The following FHIP1A variants were observed in gnomAD, a reference collection of about 807,000 sequenced individuals.
The protein encoded by FHIP1A is FHF complex subunit HOOK-interacting protein 1A.
FHIP1A carries 61 observed loss-of-function variants against 88.6 expected under a neutral mutation model. That is an observed-to-expected ratio of 0.69 (90% CI 0.56 to 0.85). The LOEUF is 0.85. Ranked by LOEUF, FHIP1A falls within the 40% of genes least tolerant of loss-of-function variation. The pLI, the probability that FHIP1A is intolerant of heterozygous loss-of-function variation, is 0.00. For missense variants in FHIP1A, 1,154 were observed against 1,273.5 expected, an observed-to-expected ratio of 0.91 and a Z score of 1.43; for synonymous variants, 478 against 496.0, an observed-to-expected ratio of 0.96 and a Z score of 0.48.
At chr4:151,588,779 T>C in intron 6 of FHIP1A, 61 bp from the exon 7 acceptor site, 1 of 1,074,676 alleles carries the variant, frequency 9.3e-7, no homozygotes, top group Non-Finnish European at 1.4e-6. Flanking sequence ...AGAATTGTTT[T>C]ATTTTAAGAA....
intron 3 of FHIP1A, among the ~76,000 whole-genome samples, chr4:151,487,991 C>G (rs898255929): frequency 3.0e-4 from 46 of 152,184 alleles, no homozygotes; most frequent in Admixed American, 3.0e-3. Context: ...TGCTAAATCT[C>G]TCTTAAAACT....
intron 7 of FHIP1A, among the ~76,000 whole-genome samples, chr4:151,616,954 G>A (rs754751746): frequency 1.4e-4 from 21 of 151,632 alleles, no homozygotes; most frequent in Non-Finnish European, 2.8e-4. Context: ...CACCATGTAG[G>A]CCAGGCTAGC....
intron 1 of FHIP1A, among the ~76,000 whole-genome samples, chr4:151,427,638 C>G (rs1272821896): frequency 6.6e-6 from 1 of 151,926 alleles, no homozygotes; most frequent in Non-Finnish European, 1.5e-5. Flanking sequence ...TTTGCCCTCT[C>G]AACCCCATTT....
chr4:151,600,455 T>C (rs1239328917), intron 7 of FHIP1A, among the ~76,000 whole-genome samples: 1 of 152,100 alleles, frequency 6.6e-6, no homozygotes, highest in Non-Finnish European at 1.5e-5. Context: ...AAGGAATAGA[T>C]GGCATTCAGA....
At chr4:151,527,576 G>GGAGAGC (rs1322865272) in intron 3 of FHIP1A, among the ~76,000 whole-genome samples, 6 of 152,012 alleles carry the variant, frequency 3.9e-5, no homozygotes, top group African/African-American at 1.2e-4. Flanking sequence ...AGAGGGAGAG[G>GGAGAGC]GAGAGGGCAC....
At chr4:151,537,127 C>T (rs970794509) in intron 3 of FHIP1A, among the ~76,000 whole-genome samples, 1 of 152,124 alleles carries the variant, frequency 6.6e-6, no homozygotes, top group Non-Finnish European at 1.5e-5. Context: ...ATCCTCCCTC[C>T]TCAGCCTCCC....
chr4:151,488,935 AG>A (rs1485135276), intron 3 of FHIP1A, among the ~76,000 whole-genome samples: 1 of 152,228 alleles, frequency 6.6e-6, no homozygotes, highest in Non-Finnish European at 1.5e-5. Context: ...AATGGCAGAT[AG>A]GAGACAGGAT....
At chr4:151,592,199 A>G (rs544903965) in intron 7 of FHIP1A, among the ~76,000 whole-genome samples, 2 of 151,838 alleles carry the variant, frequency 1.3e-5, no homozygotes, top group Non-Finnish European at 2.9e-5. Flanking sequence ...CAGTGGTGCG[A>G]TCTCAGCTCA....
intron 2 of FHIP1A, among the ~76,000 whole-genome samples, chr4:151,473,185 G>T (rs185147981): frequency 6.6e-6 from 1 of 152,178 alleles, no homozygotes; most frequent in Non-Finnish European, 1.5e-5. Flanking sequence ...GCTGGATAAT[G>T]TTCATAAAGA....
chr4:151,605,289 A>G (rs942530816), intron 7 of FHIP1A, among the ~76,000 whole-genome samples: 1 of 152,212 alleles, frequency 6.6e-6, no homozygotes, highest in Non-Finnish European at 1.5e-5. Flanking sequence ...GATTGTTACC[A>G]AATTATGGCA....
chr4:151,529,255 C>T (rs1731788377), intron 3 of FHIP1A, among the ~76,000 whole-genome samples: 2 of 152,090 alleles, frequency 1.3e-5, no homozygotes, highest in Non-Finnish European at 2.9e-5. Context: ...TCAGGAAGGG[C>T]AAGGGCTGAG....
chr4:151,489,785 C>T (rs1378765039), intron 3 of FHIP1A, among the ~76,000 whole-genome samples: 5 of 152,068 alleles, frequency 3.3e-5, no homozygotes, highest in African/African-American at 1.2e-4. Flanking sequence ...GAGAACTACC[C>T]TCCATCCTCC....
At chr4:151,648,738 A>T (rs1390729278) in intron 10 of FHIP1A, among the ~76,000 whole-genome samples, 2 of 151,250 alleles carry the variant, frequency 1.3e-5, no homozygotes, top group African/African-American at 4.9e-5. Context: ...AGCCTACTAG[A>T]TGTTTAAGAA....
rs1048983670 is a variant in FHIP1A, at chr4:151,656,488, T to C, written c.2730+78T>C. On this transcript the variant is annotated intron_variant, in intron 12 of 13. Transcript: ENST00000435205. The surrounding 1 kb of genome is among the most constrained non-coding windows in gnomAD (Gnocchi z 4.2). The stretch of plus-strand genomic sequence containing the variant: ...GCAGGGCATCTATTTCTCTTTATTT[T>C]GTTTTTCAAAAATTCCTTTGCTCTA... 1.6e-5 allele frequency: 23 copies of C among 1,425,902 alleles called. No homozygotes were observed. The East Asian group carries it at 5.7e-4, about 36-fold the overall frequency. 88.3% of individuals were successfully genotyped at this position (1,425,902 alleles called of 1,614,324 possible). A position where few individuals can be genotyped will look rare whatever the true frequency, so the allele number is the denominator to read the frequency against.
chr4:151,580,291 T>C (rs967939869), intron 5 of FHIP1A, among the ~76,000 whole-genome samples: 84 of 152,290 alleles, frequency 5.5e-4, no homozygotes, highest in African/African-American at 1.8e-3. Flanking sequence ...TAACCCTGCA[T>C]TTCCTGCAAA....
chr4:151,421,744 G>A (rs1733173920), intron 1 of FHIP1A, among the ~76,000 whole-genome samples: 1 of 151,970 alleles, frequency 6.6e-6, no homozygotes, highest in Non-Finnish European at 1.5e-5. Flanking sequence ...TGTTGCTGAA[G>A]ACCCCTGTTT....
chr4:151,498,812 T>C (rs1730552334), intron 3 of FHIP1A, among the ~76,000 whole-genome samples: 1 of 152,072 alleles, frequency 6.6e-6, no homozygotes, highest in African/African-American at 2.4e-5. Flanking sequence ...TGAGACTCCG[T>C]CTCAAAAAAG....
At chr4:151,595,781 G>A (rs1010986336) in intron 7 of FHIP1A, among the ~76,000 whole-genome samples, 2 of 152,036 alleles carry the variant, frequency 1.3e-5, no homozygotes, top group African/African-American at 4.8e-5. Context: ...ATTATGTAAT[G>A]CCCTTCTTTG....
rs141517496 is a variant in FHIP1A, at chr4:151,411,344, TA to T, written c.-356+1880del. Among the ~76,000 whole-genome samples the T allele has an allele frequency of 2.4e-3, 56 of 22,986 alleles. 2 individuals carry two copies. The highest frequency in any genetic ancestry group is 6.5e-3 in the East Asian group (4 of 620). The allele number at this position is 22,986 out of a possible 152,430, so 15.1% of individuals were successfully genotyped here. On this transcript the variant is annotated intron_variant, in intron 1 of 13. Transcript: ENST00000435205. Reference sequence around the variant, plus strand: ...ATTGCCTCTGAGGAGTGAAATTATATATATATTTTTTTTTTTTTAAAGTTAG... The same window carrying T: ...ATTGCCTCTGAGGAGTGAAATTATATTATATTTTTTTTTTTTTAAAGTTAG...
Sources: allele counts gnomAD v4.1 joint callset (sites outside exome capture counted in the v4.1 genomes callset), GRCh38; gene constraint gnomAD v4.1.1; non-coding constraint Gnocchi (gnomAD v3.1); transcripts MANE v1.5; gene names NCBI Gene and HGNC (gene_info 2026-07-23, HGNC 2026-07-21).